The following LMBR1 variants were observed in gnomAD, a reference collection of about 807,000 sequenced individuals.
LMBR1 encodes limb development membrane protein 1.
A neutral mutation model predicts 73.9 loss-of-function variants in LMBR1; 52 were observed. That is an observed-to-expected ratio of 0.70 (90% CI 0.56 to 0.89). LMBR1 has a LOEUF of 0.89. Among genes scored for constraint, LMBR1 ranks in the 40% least tolerant of loss-of-function variants. LMBR1 has a pLI of 0.00. For synonymous variants in LMBR1, 215 were observed against 209.4 expected (o/e 1.03, Z -0.23); for missense variants, 539 against 579.8 (o/e 0.93, Z 0.72).
chr7:156,844,485 G>A (rs967440187), intron 1 of LMBR1, among the ~76,000 whole-genome samples: 3 of 152,004 alleles, frequency 2.0e-5, no homozygotes, highest in Non-Finnish European at 2.9e-5. Context: ...GAGTCAGAGG[G>A]ATGAGTGAAA....
intron 9 of LMBR1, among the ~76,000 whole-genome samples, chr7:156,748,286 A>G (rs896319309): frequency 6.6e-6 from 1 of 152,186 alleles, no homozygotes; most frequent in African/African-American, 2.4e-5. Context: ...AACATTATAT[A>G]ATGCTAGGTA....
At chr7:156,794,043 A>G (rs1479085208) in intron 5 of LMBR1, among the ~76,000 whole-genome samples, 2 of 152,102 alleles carry the variant, frequency 1.3e-5, no homozygotes, top group African/African-American at 4.8e-5. Flanking sequence ...CAAATTCTTT[A>G]ATTTGGTTTT....
chr7:156,726,022 C>T, intron 12 of LMBR1, 185 bp from the exon 13 acceptor site: 1 of 443,330 alleles, frequency 2.3e-6, no homozygotes, highest in Middle Eastern at 3.5e-4. Flanking sequence ...ATTCAGGCAC[C>T]ATGTTAACAA....
intron 1 of LMBR1, among the ~76,000 whole-genome samples, chr7:156,866,652 C>T (rs1248243653): frequency 1.4e-5 from 2 of 143,124 alleles, no homozygotes; most frequent in African/African-American, 2.6e-5. Flanking sequence ...ATCACCCAGG[C>T]TAGAGTGCAG....
At chr7:156,717,029 C>T (rs1473084974) in intron 15 of LMBR1, among the ~76,000 whole-genome samples, 2 of 152,058 alleles carry the variant, frequency 1.3e-5, no homozygotes, top group Non-Finnish European at 2.9e-5. Context: ...TTCCCAGCTA[C>T]TCGGGAGGCT....
chr7:156,690,032 C>CCAGAGA (rs1237058522), intron 15 of LMBR1, among the ~76,000 whole-genome samples: 6 of 152,090 alleles, frequency 3.9e-5, no homozygotes, highest in Non-Finnish European at 7.3e-5. Flanking sequence ...CAAGAAAAAC[C>CCAGAGA]CAGACACAGA....
intron 1 of LMBR1, among the ~76,000 whole-genome samples, chr7:156,865,109 C>T (rs779156107): frequency 4.0e-5 from 6 of 151,652 alleles, no homozygotes; most frequent in Non-Finnish European, 5.9e-5. Context: ...CAGTTCAAGA[C>T]CAGCCTGGGC....
At chr7:156,688,541 G>A (rs1350247829) in intron 15 of LMBR1, among the ~76,000 whole-genome samples, 1 of 151,960 alleles carries the variant, frequency 6.6e-6, no homozygotes, top group Non-Finnish European at 1.5e-5. Flanking sequence ...TACCGAGACA[G>A]GACGGCTGTA....
At chr7:156,891,840 A>G (rs745506996) in intron 1 of LMBR1, among the ~76,000 whole-genome samples, 3 of 152,214 alleles carry the variant, frequency 2.0e-5, no homozygotes, top group African/African-American at 7.2e-5. Context: ...ACCAGCTCAG[A>G]CTTTATATGT....
rs1392825485 is a variant in LMBR1, at chr7:156,672,402, C to G, written n.867-3115G>C. ...AGATAGGACCTGTATGCCACAGTGA[C>G]TGAGGCAGAAGGAGGCAATAGGTGA... On this transcript the variant is annotated intron_variant and non_coding_transcript_variant, in intron 4 of 4. Transcript: ENST00000430825. 3.3e-5 allele frequency among the ~76,000 whole-genome samples: 5 copies of G among 152,152 alleles called. No individual in the cohort carries two copies. The South Asian group carries it at 6.2e-4, about 19-fold the overall frequency.
At chr7:156,862,917 A>G (rs1797933326) in intron 1 of LMBR1, among the ~76,000 whole-genome samples, 1 of 152,212 alleles carries the variant, frequency 6.6e-6, no homozygotes, top group Non-Finnish European at 1.5e-5. Context: ...ATGAAACTAC[A>G]CTATCAACAG....
chr7:156,718,310 G>C (rs779720240), intron 15 of LMBR1, among the ~76,000 whole-genome samples: 3 of 151,114 alleles, frequency 2.0e-5, no homozygotes, highest in Non-Finnish European at 4.4e-5. Flanking sequence ...TGAGGCAGGA[G>C]AATCACTTGA....
chr7:156,817,512 G>C (rs1156288434), intron 4 of LMBR1, among the ~76,000 whole-genome samples: 1 of 66,676 alleles, frequency 1.5e-5, no homozygotes, highest in African/African-American at 5.1e-5. Context: ...GAGAGAGAGA[G>C]AGACAGAGAC....
intron 15 of LMBR1, among the ~76,000 whole-genome samples, chr7:156,697,498 A>AT (rs1354749322): frequency 1.3e-5 from 2 of 152,168 alleles, no homozygotes; most frequent in Admixed American, 1.3e-4. Flanking sequence ...TCTCAACCGC[A>AT]TAAGACAGTC....
intron 8 of LMBR1, among the ~76,000 whole-genome samples, chr7:156,756,919 C>T (rs139222144): frequency 0.021 from 3,139 of 152,212 alleles, 112 homozygotes; most frequent in African/African-American, 0.071. Context: ...CGGGGTCAAG[C>T]GATCCTCCCA....
chr7:156,792,775 C>T (rs1474357393), intron 5 of LMBR1, among the ~76,000 whole-genome samples: 1 of 152,194 alleles, frequency 6.6e-6, no homozygotes, highest in Non-Finnish European at 1.5e-5. Flanking sequence ...GGCCAATTTC[C>T]GCATCTCGGC....
chr7:156,877,576 C>T (rs1800368525), intron 1 of LMBR1, among the ~76,000 whole-genome samples: 1 of 152,056 alleles, frequency 6.6e-6, no homozygotes, highest in African/African-American at 2.4e-5. Flanking sequence ...ACCACAGATG[C>T]AGGGATGGTT....
chr7:156,831,275 A>AT (rs10633275), intron 3 of LMBR1, among the ~76,000 whole-genome samples: 25,352 of 127,782 alleles, frequency 0.2, 2,698 homozygotes, highest in South Asian at 0.22. Context: ...CCTACCCTAG[A>AT]TTTTTTTTTT....
At position 156,709,896 on chromosome 7, in the gene LMBR1, A is replaced by ATTTTTTTTTTTTTTTTT. The variant is rs34487923; in HGVS notation, c.1225+14199_1225+14215dup. On this transcript the variant is annotated intron_variant, in intron 15 of 16. Coordinates refer to ENST00000353442, the MANE Select transcript of LMBR1 (RefSeq NM_022458.4). ...GCCAGTTAAAGAATTCAGAAGGTTG[A>ATTTTTTTTTTTTTTTTT]TTTTTTTTTTTTTTTTTTTTTTTTT... is the stretch of plus-strand genomic sequence containing the variant. 2.1e-4 allele frequency among the ~76,000 whole-genome samples: 19 copies of ATTTTTTTTTTTTTTTTT among 90,352 alleles called. 2 individuals are homozygous for ATTTTTTTTTTTTTTTTT. Among genetic ancestry groups the ATTTTTTTTTTTTTTTTT allele is most frequent in the East Asian group, 1.0e-3 (3 of 2,984 alleles). The allele number at this position is 90,352 out of a possible 152,430, so 59.3% of individuals were successfully genotyped here. A position where few individuals can be genotyped will look rare whatever the true frequency, so the allele number is the denominator to read the frequency against.
Sources: gnomAD v4.1 joint callset for allele counts (sites outside exome capture counted in the v4.1 genomes callset) on GRCh38, gnomAD v4.1.1 for gene constraint, MANE v1.5 for transcripts, NCBI Gene and HGNC (gene_info 2026-07-23, HGNC 2026-07-21) for gene names.